Variants in DCDC2 observed in about 807,000 individuals in gnomAD.
DCDC2 encodes doublecortin domain-containing protein 2.
A neutral mutation model predicts 50.2 loss-of-function variants in DCDC2; 40 were observed. The ratio of observed to expected loss-of-function variants is 0.80; its 90% CI spans 0.62 to 1.04. The LOEUF (loss-of-function observed/expected upper bound fraction) is 1.04, where lower values mean the gene tolerates loss of function less well. DCDC2 is among the 50% of genes least tolerant of loss of function. The pLI is 0.00. For synonymous variants in DCDC2, 234 were observed against 210.6 expected (o/e 1.11, Z -0.96); for missense variants, 570 against 581.9 (o/e 0.98, Z 0.21).
intron 4 of DCDC2, among the ~76,000 whole-genome samples, chr6:24,299,301 C>T (rs1288790334): frequency 1.3e-5 from 2 of 151,940 alleles, no homozygotes; most frequent in African/African-American, 4.8e-5. Flanking sequence ...TACAGATGGA[C>T]ATAAAAATAG....
intron 7 of DCDC2, among the ~76,000 whole-genome samples, chr6:24,276,376 A>C (rs1763357374): frequency 6.6e-6 from 1 of 151,386 alleles, no homozygotes. Context: ...AGAACCTCAC[A>C]GAAAAGAAGC....
chr6:24,315,727 G>C (rs376098450), intron 2 of DCDC2, among the ~76,000 whole-genome samples: 1 of 152,076 alleles, frequency 6.6e-6, no homozygotes, highest in Non-Finnish European at 1.5e-5. Context: ...ACAGGCTGGC[G>C]GGCACAATGC....
chr6:24,344,923 A>G (rs1009755870), intron 2 of DCDC2, among the ~76,000 whole-genome samples: 2 of 152,220 alleles, frequency 1.3e-5, no homozygotes, highest in African/African-American at 4.8e-5. Context: ...GGGAAAAGGT[A>G]TAAAATAAAA....
intron 7 of DCDC2, among the ~76,000 whole-genome samples, chr6:24,239,287 G>A (rs1045335138): frequency 1.3e-5 from 2 of 152,106 alleles, no homozygotes; most frequent in Non-Finnish European, 2.9e-5. Context: ...AAGGAAGAAG[G>A]ACAGGATACC....
At chr6:24,369,478 T>C in the DCDC2 span, among the ~76,000 whole-genome samples, 4 of 151,290 alleles carry the variant, frequency 2.6e-5, no homozygotes, top group Non-Finnish European at 5.9e-5. Flanking sequence ...TGCATGGTGG[T>C]GCACACCTGT....
At chr6:24,295,787 G>A (rs1389865797) in intron 4 of DCDC2, among the ~76,000 whole-genome samples, 1 of 152,022 alleles carries the variant, frequency 6.6e-6, no homozygotes, top group East Asian at 1.9e-4. Context: ...TCTCTACAAT[G>A]AGAACTACAA....
chr6:24,260,795 G>A (rs558130708), intron 7 of DCDC2, among the ~76,000 whole-genome samples: 27 of 152,202 alleles, frequency 1.8e-4, no homozygotes, highest in Non-Finnish European at 3.2e-4. Context: ...AAGTGCCAGA[G>A]AAAATATGGA....
At chr6:24,207,713 A>T (rs577084017) in intron 7 of DCDC2, among the ~76,000 whole-genome samples, 2 of 152,284 alleles carry the variant, frequency 1.3e-5, no homozygotes, top group Admixed American at 6.5e-5. Context: ...GTGCACTGCA[A>T]AGAGTAAGTC....
At chr6:24,221,114 G>T (rs1320140686) in intron 7 of DCDC2, among the ~76,000 whole-genome samples, 1 of 152,018 alleles carries the variant, frequency 6.6e-6, no homozygotes, top group Admixed American at 6.6e-5. Context: ...AAACAAAAGG[G>T]GTACAGACCT....
In DCDC2 at chr6:24,179,815, G is replaced by A. The variant is rs568265844; in HGVS notation, c.1024-1183C>T. Among the ~76,000 whole-genome samples the A allele has an allele frequency of 7.0e-4, 105 of 150,098 alleles. 1 individual carries two copies. Among genetic ancestry groups the A allele is most frequent in the Non-Finnish European group, 1.1e-3 (74 of 67,416 alleles). The stretch of plus-strand genomic sequence containing the variant: ...TAAAAATACAAAAAATTAGCCAGGC[G>A]TGGTGGTGGGCACCTGTGGTCCCAG... On this transcript the variant is annotated intron_variant, in intron 8 of 9. Coordinates refer to ENST00000378454, the MANE Select transcript of DCDC2 (RefSeq NM_016356.5).
intron 2 of DCDC2, among the ~76,000 whole-genome samples, chr6:24,352,976 C>T (rs978085703): frequency 6.6e-6 from 1 of 152,220 alleles, no homozygotes; most frequent in African/African-American, 2.4e-5. Flanking sequence ...ACCTAAAACT[C>T]CACCAGGGTT....
chr6:24,380,520 T>C, the DCDC2 span, among the ~76,000 whole-genome samples: 1 of 152,208 alleles, frequency 6.6e-6, no homozygotes, highest in Non-Finnish European at 1.5e-5. Flanking sequence ...TTGCATGAGC[T>C]ACCAGAGAAG....
intron 4 of DCDC2, among the ~76,000 whole-genome samples, chr6:24,296,316 A>G (rs1759240033): frequency 6.6e-6 from 1 of 152,206 alleles, no homozygotes; most frequent in Non-Finnish European, 1.5e-5. Flanking sequence ...TACCATACAC[A>G]AAAATCAACT....
chr6:24,331,487 G>A, intron 2 of DCDC2, among the ~76,000 whole-genome samples: 1 of 151,302 alleles, frequency 6.6e-6, no homozygotes, highest in South Asian at 2.1e-4. Flanking sequence ...TATACAAAAT[G>A]GTAATATTTT....
At chr6:24,249,564 G>A (rs2113797817) in intron 7 of DCDC2, among the ~76,000 whole-genome samples, 1 of 152,266 alleles carries the variant, frequency 6.6e-6, no homozygotes, top group South Asian at 2.1e-4. Flanking sequence ...CCTATATTTA[G>A]GTTTCTATCT....
intron 6 of DCDC2, among the ~76,000 whole-genome samples, chr6:24,285,051 C>A (rs1286542775): frequency 6.6e-6 from 1 of 151,942 alleles, no homozygotes; most frequent in Non-Finnish European, 1.5e-5. Flanking sequence ...CACACACATA[C>A]ATGCACACAC....
rs74949109 is a variant in DCDC2, at chr6:24,231,566, C to G, written c.923-26464G>C. On this transcript the variant is annotated intron_variant, in intron 7 of 9. Coordinates refer to ENST00000378454, the MANE Select transcript of DCDC2 (RefSeq NM_016356.5). ...GGGACAAAGAACAATCCTCCCCTCCCCCATCCTCCACCACTATCACCACGT... is the reference window on the plus strand; with the variant it reads ...GGGACAAAGAACAATCCTCCCCTCCGCCATCCTCCACCACTATCACCACGT... 9.1e-4 allele frequency among the ~76,000 whole-genome samples: 139 copies of G among 152,246 alleles called. No individual in the cohort carries two copies. The East Asian group carries it at 0.016, about 18-fold the overall frequency.
At chr6:24,176,259 G>C (rs1045944387) in intron 9 of DCDC2, among the ~76,000 whole-genome samples, 1 of 151,946 alleles carries the variant, frequency 6.6e-6, no homozygotes, top group Non-Finnish European at 1.5e-5. Flanking sequence ...TCACGCCACT[G>C]AACTCCAGCC....
At chr6:24,182,861 T>C (rs1057221000) in intron 8 of DCDC2, among the ~76,000 whole-genome samples, 11 of 152,184 alleles carry the variant, frequency 7.2e-5, no homozygotes, top group African/African-American at 2.7e-4. Context: ...CCCAAGTTTA[T>C]AGGAGAATTA....
Sources: gnomAD v4.1 joint callset for allele counts (sites outside exome capture counted in the v4.1 genomes callset) on GRCh38, gnomAD v4.1.1 for gene constraint, MANE v1.5 for transcripts, NCBI Gene and HGNC (gene_info 2026-07-23, HGNC 2026-07-21) for gene names.